The following MICAL3 variants were observed in gnomAD, a reference collection of about 807,000 sequenced individuals.
MICAL3 encodes the protein [F-actin]-monooxygenase MICAL3.
In MICAL3, 62 loss-of-function variants were observed where a neutral mutation model predicts 207.4. That is an observed-to-expected ratio of 0.30 (90% CI 0.24 to 0.37). The LOEUF is 0.37. MICAL3 is among the 10% of genes least tolerant of loss of function. The probability of loss-of-function intolerance (pLI) is 1.00; values close to 1 mark genes in which losing one functional copy is unlikely to be tolerated. For synonymous variants in MICAL3, 1,077 were observed against 1,069.3 expected (o/e 1.01, Z -0.14); for missense variants, 2,368 against 2,635.6 (o/e 0.90, Z 2.22).
chr22:18,004,250 T>C (rs1184415647), intron 1 of MICAL3: 1 of 152,014 alleles, frequency 6.6e-6, no homozygotes, highest in African/African-American at 2.4e-5. Context: ...TCTGCCCCAA[T>C]ATACATTTCT....
At chr22:17,956,585 C>T (rs1934625741) in intron 1 of MICAL3, among the ~76,000 whole-genome samples, 1 of 152,168 alleles carries the variant, frequency 6.6e-6, no homozygotes, top group Non-Finnish European at 1.5e-5. Flanking sequence ...AGGAGAATTG[C>T]TTGAACCTGG....
intron 19 of MICAL3, among the ~76,000 whole-genome samples, chr22:17,855,524 G>C (rs1925795278): frequency 6.6e-6 from 1 of 152,212 alleles, no homozygotes; most frequent in South Asian, 2.1e-4. Context: ...CACATCACTG[G>C]CAGGGCGGAC....
intron 16 of MICAL3, among the ~76,000 whole-genome samples, chr22:17,877,522 G>GGAGGTGAGGGAGGTTAT (rs1928925024): frequency 1.9e-5 from 1 of 51,728 alleles, no homozygotes; most frequent in South Asian, 5.8e-4. Flanking sequence ...AGGGAGGTTA[G>GGAGGTGAGGGAGGTTAT]GGAGGTGAGG....
At chr22:17,808,261 C>T (rs2062008257) in intron 29 of MICAL3, among the ~76,000 whole-genome samples, 1 of 152,256 alleles carries the variant, frequency 6.6e-6, no homozygotes, top group Non-Finnish European at 1.5e-5. Flanking sequence ...GGAGTCTGCT[C>T]CACGTCGGCT....
At chr22:17,905,695 G>A (rs1204177738) in intron 2 of MICAL3, among the ~76,000 whole-genome samples, 2 of 152,190 alleles carry the variant, frequency 1.3e-5, no homozygotes, top group African/African-American at 4.8e-5. Flanking sequence ...GCAAATTTGT[G>A]TCCCTGCTAG....
At chr22:17,932,498 G>A (rs926033754) in intron 1 of MICAL3, among the ~76,000 whole-genome samples, 1 of 152,284 alleles carries the variant, frequency 6.6e-6, no homozygotes, top group East Asian at 1.9e-4. Context: ...GGAAAGAAAT[G>A]ATCAGTACCA....
chr22:17,872,541 T>C (rs115537750), intron 16 of MICAL3, among the ~76,000 whole-genome samples: 1,885 of 152,298 alleles, frequency 0.012, 37 homozygotes, highest in African/African-American at 0.04. Context: ...CGTGTTGACA[T>C]AGTTCACATG....
chr22:17,980,900 C>T (rs1174163452), intron 1 of MICAL3: 1 of 533,496 alleles, frequency 1.9e-6, no homozygotes, highest in East Asian at 5.4e-5. Flanking sequence ...CCAGGTCCTG[C>T]ACTTTCGCTG....
rs149135986 is a variant in MICAL3, at chr22:17,837,293, G to A, written c.2801+4529C>T. Among the ~76,000 whole-genome samples, 860 of 152,300 alleles carry A rather than the reference G, an allele frequency of 5.6e-3. 7 individuals are homozygous for A. The highest frequency in any genetic ancestry group is 7.2e-3 in the Non-Finnish European group (491 of 68,034). On this transcript the variant is annotated intron_variant, in intron 20 of 31. Transcript: ENST00000441493. ...CTGAGGGAGCGGCCTTCTCCCACTCGTGGTGTTATTCTGAAAGAGCGGCCT... is the reference window on the plus strand; with the variant it reads ...CTGAGGGAGCGGCCTTCTCCCACTCATGGTGTTATTCTGAAAGAGCGGCCT...
intron 1 of MICAL3, among the ~76,000 whole-genome samples, chr22:18,000,853 G>A (rs1435995544): frequency 2.0e-5 from 3 of 152,212 alleles, no homozygotes; most frequent in Non-Finnish European, 2.9e-5. Flanking sequence ...CCAGGCCGGG[G>A]CAGCGGGACG....
At chr22:17,957,761 A>G (rs1934701831) in intron 1 of MICAL3, among the ~76,000 whole-genome samples, 1 of 151,094 alleles carries the variant, frequency 6.6e-6, no homozygotes. Flanking sequence ...AGAGAGAGAG[A>G]GAATGAAAGA....
At chr22:17,975,282 G>A (rs1309237188) in intron 1 of MICAL3, among the ~76,000 whole-genome samples, 4 of 152,030 alleles carry the variant, frequency 2.6e-5, no homozygotes, top group Non-Finnish European at 4.4e-5. Context: ...ACAGGACCAC[G>A]CTTCAGTTCA....
chr22:17,799,357 G>C (rs1016714337), intron 29 of MICAL3, among the ~76,000 whole-genome samples: 2 of 152,222 alleles, frequency 1.3e-5, no homozygotes, highest in African/African-American at 2.4e-5. Context: ...GTGGGTTCCA[G>C]CCCGGGTGAC....
In MICAL3 at chr22:17,885,949, A is replaced by T. The variant is rs764539647; in HGVS notation, c.2170T>A (p.Tyr724Asn). The change falls in exon 16 of 32, where the codon TAC becomes AAC. Residue 724 changes from tyrosine (Y) to asparagine (N), a missense_variant. Around this residue, in one of 4 missense-constraint regions of MICAL3, gnomAD observed 1,770 missense variants for 1,863.2 expected, o/e 0.95. Coordinates refer to ENST00000441493, the MANE Select transcript of MICAL3 (RefSeq NM_015241.3). ...VAVGNQNKVK[Y>N]MATQLLAKFE... ...TTGGCCAGCAGCTGGGTCGCCATGT[A>T]CTTCACTTTGTTCTGGTTCCCAACG... 1.2e-6 allele frequency: 2 copies of T among 1,613,980 alleles called. No individual in the cohort carries two copies. Among genetic ancestry groups the T allele is most frequent in the Non-Finnish European group, 1.7e-6 (2 of 1,179,884 alleles).
At chr22:17,911,347 GA>G (rs1441119936) in intron 1 of MICAL3, among the ~76,000 whole-genome samples, 2 of 150,108 alleles carry the variant, frequency 1.3e-5, no homozygotes, top group African/African-American at 4.9e-5. Flanking sequence ...AAAAAAAAAA[GA>G]AACAAAACAA....
chr22:17,898,045 C>G (rs1930999993), intron 7 of MICAL3, among the ~76,000 whole-genome samples: 1 of 151,860 alleles, frequency 6.6e-6, no homozygotes, highest in Non-Finnish European at 1.5e-5. Flanking sequence ...TTGCTCAATA[C>G]TAAGTAGCCA....
intron 22 of MICAL3, 26 bp downstream of exon 22, chr22:17,827,618 T>G: frequency 6.5e-7 from 1 of 1,541,140 alleles, no homozygotes; most frequent in Non-Finnish European, 8.8e-7. Flanking sequence ...CGGGGCACAC[T>G]GCGGCCTGGG....
chr22:17,788,372 G>C lies in MICAL3; in HGVS notation c.*2360C>G, dbSNP rs1364940222. The C allele has an allele frequency of 6.6e-6, 1 of 152,274 alleles. No individual in the cohort carries two copies. The highest frequency in any genetic ancestry group is 2.4e-5 in the African/African-American group (1 of 41,462). 9.4% of individuals were successfully genotyped at this position (152,274 alleles called of 1,614,324 possible). ...GACCAGGACCAGAAGGTGACACTGGGCTCTCCTGCTACGTCTGGCCACTTA... is the reference window on the plus strand; with the variant it reads ...GACCAGGACCAGAAGGTGACACTGGCCTCTCCTGCTACGTCTGGCCACTTA... On this transcript the variant is annotated 3_prime_UTR_variant, in exon 32 of 32. Coordinates refer to ENST00000441493, the MANE Select transcript of MICAL3 (RefSeq NM_015241.3).
intron 21 of MICAL3, among the ~76,000 whole-genome samples, chr22:17,829,951 G>A (rs535006356): frequency 2.3e-4 from 35 of 152,274 alleles, no homozygotes; most frequent in African/African-American, 8.4e-4. Context: ...TGCAGAGCCC[G>A]TCAGCACAGT....
Sources: gnomAD v4.1 joint callset for allele counts (sites outside exome capture counted in the v4.1 genomes callset) on GRCh38, gnomAD v4.1.1 for gene constraint, gnomAD v4.1.1 regional missense constraint, MANE v1.5 for transcripts, NCBI Gene and HGNC (gene_info 2026-07-23, HGNC 2026-07-21) for gene names.